Variants in MAEA observed in about 807,000 individuals in gnomAD.
The protein encoded by MAEA is macrophage erythroblast attacher, E3 ubiquitin ligase, also known as E3 ubiquitin-protein transferase MAEA.
MAEA carries 22 observed loss-of-function variants against 46.2 expected under a neutral mutation model. The observed-to-expected ratio is 0.48, with a 90% CI of 0.34 to 0.68. The LOEUF (loss-of-function observed/expected upper bound fraction) is 0.68. Among genes scored for constraint, MAEA ranks in the 30% least tolerant of loss-of-function variants. MAEA has a pLI of 0.01. For synonymous variants in MAEA, 246 were observed against 222.6 expected (o/e 1.11, Z -0.94); for missense variants, 393 against 558.1 (o/e 0.70, Z 2.98).
chr4:1,293,663 C>T (rs984045409), intron 1 of MAEA, among the ~76,000 whole-genome samples: 1 of 152,238 alleles, frequency 6.6e-6, no homozygotes, highest in South Asian at 2.1e-4. Context: ...CAAGGGTTCC[C>T]AGCTCCAGTG....
intron 6 of MAEA, among the ~76,000 whole-genome samples, chr4:1,336,154 T>G (rs1712727315): frequency 6.8e-6 from 1 of 147,180 alleles, no homozygotes; most frequent in Non-Finnish European, 1.5e-5. Context: ...GGGAGTTAGA[T>G]CAGCACTGGC....
chr4:1,322,943 CT>C (rs60692981), intron 4 of MAEA, among the ~76,000 whole-genome samples: 26,252 of 75,288 alleles, frequency 0.35, 6,570 homozygotes, highest in Non-Finnish European at 0.43. Flanking sequence ...TGAATACCCA[CT>C]TTTTTTTTTT....
At chr4:1,314,541 C>G (rs11247988) in intron 2 of MAEA, among the ~76,000 whole-genome samples, 13,089 of 152,016 alleles carry the variant, frequency 0.086, 1,201 homozygotes, top group East Asian at 0.42. Context: ...AGAGCAGAAA[C>G]CTGTGGCATG....
At chr4:1,316,076 A>G (rs547330391) in intron 3 of MAEA, among the ~76,000 whole-genome samples, 1 of 152,178 alleles carries the variant, frequency 6.6e-6, no homozygotes, top group East Asian at 1.9e-4. Context: ...CATCCTGCTT[A>G]GGATTTTCCC....
At chr4:1,328,276 C>T (rs993291201) in intron 5 of MAEA, among the ~76,000 whole-genome samples, 1 of 152,222 alleles carries the variant, frequency 6.6e-6, no homozygotes, top group Non-Finnish European at 1.5e-5. Flanking sequence ...CACTGTGGCT[C>T]AGCCCAGTTG....
intron 3 of MAEA, among the ~76,000 whole-genome samples, chr4:1,320,217 CT>C (rs1370377501): frequency 6.9e-6 from 1 of 145,618 alleles, no homozygotes; most frequent in Non-Finnish European, 1.5e-5. Context: ...CAAGAAAACA[CT>C]ATGAAGGGGC....
At chr4:1,295,253 TC>T (rs929157779) in intron 1 of MAEA, among the ~76,000 whole-genome samples, 6 of 152,152 alleles carry the variant, frequency 3.9e-5, no homozygotes, top group Non-Finnish European at 5.9e-5. Flanking sequence ...AAAGCACACT[TC>T]CTGCCGGGGT....
intron 3 of MAEA, among the ~76,000 whole-genome samples, chr4:1,321,293 G>A (rs991669994): frequency 2.1e-4 from 32 of 151,964 alleles, no homozygotes; most frequent in African/African-American, 7.5e-4. Flanking sequence ...GCTATGAAGG[G>A]GCTTTAAAAA....
chr4:1,330,167 A>T lies in MAEA; in HGVS notation c.656+2464A>T, dbSNP rs938874777. ...TTTTAACGCCTTTAATTTTTAGTAAATGAGTAAGTGAATCCCTGACCCCAG... is the reference window on the plus strand; with the variant it reads ...TTTTAACGCCTTTAATTTTTAGTAATTGAGTAAGTGAATCCCTGACCCCAG... On this transcript the variant is annotated intron_variant, in intron 5 of 8. Coordinates refer to ENST00000303400, the MANE Select transcript of MAEA (RefSeq NM_001017405.3). 1.7e-5 allele frequency: 17 copies of T among 984,236 alleles called. No individual in the cohort carries two copies. The African/African-American group carries it at 2.8e-4, about 16-fold the overall frequency. The allele number at this position is 984,236 out of a possible 1,614,324, so 61.0% of individuals were successfully genotyped here. A position where few individuals can be genotyped will look rare whatever the true frequency, so the allele number is the denominator to read the frequency against.
At chr4:1,338,903 G>C in intron 8 of MAEA, 171 bp from the exon 9 acceptor site, 1 of 677,076 alleles carries the variant, frequency 1.5e-6, no homozygotes, top group Non-Finnish European at 2.6e-6. Context: ...GAAGGGGTGG[G>C]AAGGACAGGC....
intron 4 of MAEA, among the ~76,000 whole-genome samples, chr4:1,326,503 C>T (rs1738837783): frequency 6.6e-6 from 1 of 152,192 alleles, no homozygotes; most frequent in African/African-American, 2.4e-5. Context: ...AGCCACAAGT[C>T]TCGGCCCACG....
At chr4:1,301,341 C>G (rs1023199176) in intron 1 of MAEA, among the ~76,000 whole-genome samples, 1 of 152,108 alleles carries the variant, frequency 6.6e-6, no homozygotes, top group African/African-American at 2.4e-5. Flanking sequence ...GTTTCAGTGA[C>G]GAAATCAGGG....
intron 2 of MAEA, among the ~76,000 whole-genome samples, 199 bp from the exon 3 acceptor site, chr4:1,315,198 G>T (rs1329568498): frequency 6.6e-6 from 1 of 152,194 alleles, no homozygotes; most frequent in African/African-American, 2.4e-5. Context: ...CCAGGGTGGT[G>T]GATTTTCACT....
In MAEA at chr4:1,289,922, G is replaced by A. The variant is rs376851044; in HGVS notation, c.9G>A (p.Val3=). The change falls in exon 1 of 9, where the codon GTG becomes GTA. Residue 3 remains valine, a synonymous_variant. Coordinates refer to ENST00000303400, the MANE Select transcript of MAEA (RefSeq NM_001017405.3). MA[V]QESAAQLSMT... ...GTTTTGGCCGCTTCAAGATGGCGGT[G>A]CAGGAGTCGGCGGCTCAGTTGTCCA... 3.1e-6 allele frequency: 5 copies of A among 1,599,838 alleles called. No individual in the cohort carries two copies. In the African/African-American group the frequency reaches 4.0e-5, roughly 13 times the overall value.
intron 1 of MAEA, among the ~76,000 whole-genome samples, chr4:1,297,455 G>C (rs1157884955): frequency 2.2e-5 from 2 of 89,442 alleles, no homozygotes; most frequent in Non-Finnish European, 2.0e-5. Flanking sequence ...GAAAAAGTAC[G>C]TGCGTATGTG....
At chr4:1,309,276 G>A (rs1180438333) in intron 1 of MAEA, among the ~76,000 whole-genome samples, 1 of 152,094 alleles carries the variant, frequency 6.6e-6, no homozygotes, top group Non-Finnish European at 1.5e-5. Context: ...TCGAGTTAGA[G>A]TCTTTAGCAT....
chr4:1,334,928 G>C, intron 6 of MAEA: 9 of 985,394 alleles, frequency 9.1e-6, no homozygotes, highest in Non-Finnish European at 9.6e-6. Context: ...CTTTAAAAAT[G>C]TTGGAGTTAA....
At chr4:1,327,175 A>G (rs933526796) in intron 4 of MAEA, among the ~76,000 whole-genome samples, 8 of 152,252 alleles carry the variant, frequency 5.3e-5, no homozygotes, top group Admixed American at 2.0e-4. Flanking sequence ...GCCAGCACCC[A>G]GTCTACATTC....
intron 3 of MAEA, among the ~76,000 whole-genome samples, chr4:1,315,926 G>A (rs1013495243): frequency 1.5e-5 from 2 of 129,178 alleles, no homozygotes; most frequent in Non-Finnish European, 1.6e-5. Flanking sequence ...GTGTGTCTGC[G>A]CTGTGGTGAG....
Sources: gnomAD v4.1 joint callset for allele counts (sites outside exome capture counted in the v4.1 genomes callset) on GRCh38, gnomAD v4.1.1 for gene constraint, MANE v1.5 for transcripts, NCBI Gene and HGNC (gene_info 2026-07-23, HGNC 2026-07-21) for gene names.